Variants in PTPRD observed in about 807,000 individuals in gnomAD.
PTPRD encodes the protein receptor-type tyrosine-protein phosphatase delta.
A neutral mutation model predicts 214.5 loss-of-function variants in PTPRD; 34 were observed. The observed-to-expected ratio is 0.16, with a 90% CI of 0.12 to 0.21. The LOEUF (loss-of-function observed/expected upper bound fraction) is 0.21. Ranked by LOEUF, PTPRD falls within the 10% of genes least tolerant of loss-of-function variation. The pLI is 1.00. For synonymous variants in PTPRD, 1,128 were observed against 845.7 expected (o/e 1.33, Z -5.79); for missense variants, 2,545 against 2,398.7 (o/e 1.06, Z -1.27).
chr9:9,644,866 C>T (rs966715288), intron 7 of PTPRD, among the ~76,000 whole-genome samples: 1 of 152,164 alleles, frequency 6.6e-6, no homozygotes, highest in African/African-American at 2.4e-5. Context: ...CACTTCACCC[C>T]CTTTCCAGCT....
chr9:10,313,720 C>T (rs975807091), intron 3 of PTPRD, among the ~76,000 whole-genome samples: 2 of 151,880 alleles, frequency 1.3e-5, no homozygotes, highest in South Asian at 2.1e-4. Context: ...CATCTGCTTC[C>T]GATGTGTTTT....
chr9:8,699,289 G>C (rs1466025566), intron 12 of PTPRD, among the ~76,000 whole-genome samples: 1 of 152,132 alleles, frequency 6.6e-6, no homozygotes, highest in Non-Finnish European at 1.5e-5. Context: ...GTTTCTTGCA[G>C]GGCCTTTCAA....
chr9:9,386,561 A>G (rs1012288633), intron 9 of PTPRD, among the ~76,000 whole-genome samples: 1 of 152,172 alleles, frequency 6.6e-6, no homozygotes, highest in Admixed American at 6.6e-5. Context: ...GCATTTTATA[A>G]CAATGGTTAT....
At chr9:8,842,247 G>C (rs1047330596) in intron 11 of PTPRD, among the ~76,000 whole-genome samples, 3 of 152,162 alleles carry the variant, frequency 2.0e-5, no homozygotes, top group Non-Finnish European at 4.4e-5. Flanking sequence ...ATTTTCTCAA[G>C]TTCTGTGACC....
At chr9:8,364,425 A>G (rs2079264974) in intron 39 of PTPRD, among the ~76,000 whole-genome samples, 1 of 152,222 alleles carries the variant, frequency 6.6e-6, no homozygotes, top group African/African-American at 2.4e-5. Context: ...ATCGAATAGA[A>G]GAGGTAACAA....
At chr9:10,599,084 C>T (rs2077343093) in intron 2 of PTPRD, among the ~76,000 whole-genome samples, 2 of 151,574 alleles carry the variant, frequency 1.3e-5, no homozygotes, top group South Asian at 4.1e-4. Flanking sequence ...ATGGAAATTG[C>T]TTTGTGCGGC....
chr9:9,021,936 A>G (rs1680684097), intron 10 of PTPRD, among the ~76,000 whole-genome samples: 1 of 151,620 alleles, frequency 6.6e-6, no homozygotes, highest in African/African-American at 2.4e-5. Flanking sequence ...GAACACGTGG[A>G]CACAGGGAGG....
chr9:8,519,735 A>G, intron 20 of PTPRD, among the ~76,000 whole-genome samples: 1 of 152,182 alleles, frequency 6.6e-6, no homozygotes, highest in African/African-American at 2.4e-5. Flanking sequence ...TTTTGTTTTG[A>G]TTTATTTTAA....
At chr9:9,948,593 T>C (rs1245138154) in intron 4 of PTPRD, among the ~76,000 whole-genome samples, 2 of 152,126 alleles carry the variant, frequency 1.3e-5, no homozygotes, top group Non-Finnish European at 2.9e-5. Flanking sequence ...ATGTATCTGA[T>C]GACACAATAT....
chr9:8,999,288 T>C (rs541205463), intron 11 of PTPRD, among the ~76,000 whole-genome samples: 4 of 152,092 alleles, frequency 2.6e-5, no homozygotes, highest in Admixed American at 6.6e-5. Context: ...AACTTCACCG[T>C]TGTCTTGTTT....
chr9:10,217,470 T>A (rs770685729), intron 3 of PTPRD, among the ~76,000 whole-genome samples: 6 of 151,908 alleles, frequency 3.9e-5, no homozygotes, highest in Non-Finnish European at 7.4e-5. Flanking sequence ...CAAGTATATT[T>A]CTGTTAACCT....
intron 9 of PTPRD, among the ~76,000 whole-genome samples, chr9:9,336,761 A>C (rs1312132453): frequency 6.6e-6 from 1 of 152,156 alleles, no homozygotes; most frequent in Non-Finnish European, 1.5e-5. Context: ...CACTTTTAAA[A>C]CGCCCTTGAA....
intron 36 of PTPRD, among the ~76,000 whole-genome samples, chr9:8,394,513 T>C (rs1021673631): frequency 6.6e-6 from 1 of 152,164 alleles, no homozygotes; most frequent in Non-Finnish European, 1.5e-5. Flanking sequence ...TGGACTCCTG[T>C]CTAGGGCTGC....
At chr9:8,354,618 T>C (rs1294899264) in intron 39 of PTPRD, among the ~76,000 whole-genome samples, 1 of 152,200 alleles carries the variant, frequency 6.6e-6, no homozygotes, top group Non-Finnish European at 1.5e-5. Context: ...AATACTAAGG[T>C]TTTCCTGTTT....
At chr9:10,168,760 A>G (rs2099176596) in intron 3 of PTPRD, among the ~76,000 whole-genome samples, 2 of 152,234 alleles carry the variant, frequency 1.3e-5, no homozygotes, top group African/African-American at 4.8e-5. Context: ...GTATCAGACA[A>G]AAGTAAAACA....
At chr9:10,358,630 T>G (rs1448753486) in intron 2 of PTPRD, among the ~76,000 whole-genome samples, 1 of 151,948 alleles carries the variant, frequency 6.6e-6, no homozygotes, top group East Asian at 1.9e-4. Flanking sequence ...ATATCCTGTG[T>G]TTAATTTGAT....
chr9:9,828,086 G>A (rs2053576907), intron 5 of PTPRD, among the ~76,000 whole-genome samples: 1 of 152,264 alleles, frequency 6.6e-6, no homozygotes, highest in Non-Finnish European at 1.5e-5. Context: ...CCTTGTGGAA[G>A]TCAGTGTGGC....
chr9:9,811,127 A>C (rs182163348), intron 5 of PTPRD, among the ~76,000 whole-genome samples: 3 of 152,222 alleles, frequency 2.0e-5, no homozygotes, highest in Non-Finnish European at 4.4e-5. Context: ...AATTCCAGCT[A>C]CTCAGGAGGC....
chr9:8,838,201 G>C (rs1484216882), intron 11 of PTPRD, among the ~76,000 whole-genome samples: 2 of 151,678 alleles, frequency 1.3e-5, no homozygotes, highest in East Asian at 3.9e-4. Flanking sequence ...AGATACCCAT[G>C]AACAGAAACC....
Sources: gnomAD v4.1 joint callset for allele counts (sites outside exome capture counted in the v4.1 genomes callset) on GRCh38, gnomAD v4.1.1 for gene constraint, MANE v1.5 for transcripts, NCBI Gene and HGNC (gene_info 2026-07-23, HGNC 2026-07-21) for gene names.